The following NRXN1 variants were observed in gnomAD, a reference collection of about 807,000 sequenced individuals.
NRXN1 encodes neurexin 1.
Under a neutral mutation model 150.9 loss-of-function variants are expected in NRXN1, and 39 were observed. The observed-to-expected ratio is 0.26, with a 90% confidence interval of 0.20 to 0.34. The LOEUF (loss-of-function observed/expected upper bound fraction) is 0.34, where lower values mean the gene tolerates loss of function less well. NRXN1 is among the 10% of genes least tolerant of loss of function. The probability of loss-of-function intolerance (pLI) is 1.00; values close to 1 mark genes in which losing one functional copy is unlikely to be tolerated. For missense variants in NRXN1, 1,815 were observed against 1,949.9 expected (o/e 0.93, Z 1.30); for synonymous variants, 924 against 757.0 (o/e 1.22, Z -3.62).
At chr2:50,556,044 A>G (rs1314468676) in intron 8 of NRXN1, among the ~76,000 whole-genome samples, 2 of 152,204 alleles carry the variant, frequency 1.3e-5, no homozygotes, top group Non-Finnish European at 2.9e-5. Context: ...CTTGAGAAGA[A>G]GCACACTATG....
chr2:50,419,470 A>G (rs1198028971), intron 17 of NRXN1, among the ~76,000 whole-genome samples: 1 of 152,082 alleles, frequency 6.6e-6, no homozygotes, highest in African/African-American at 2.4e-5. Flanking sequence ...TGCAAATGCC[A>G]TTATCATCCA....
chr2:50,398,423 C>T (rs2082181627), intron 17 of NRXN1, among the ~76,000 whole-genome samples: 2 of 151,758 alleles, frequency 1.3e-5, no homozygotes, highest in Admixed American at 6.6e-5. Context: ...GAATCCTACT[C>T]AAATAATAAA....
At chr2:50,342,918 C>T (rs977861312) in intron 17 of NRXN1, among the ~76,000 whole-genome samples, 4 of 152,216 alleles carry the variant, frequency 2.6e-5, no homozygotes, top group African/African-American at 9.6e-5. Context: ...AGGAAAATCA[C>T]ATTCAAACTC....
At chr2:50,320,285 TATATATATA>T (rs1558518818) in intron 17 of NRXN1, among the ~76,000 whole-genome samples, 726 of 57,666 alleles carry the variant, frequency 0.013, 24 homozygotes, top group African/African-American at 0.016. Context: ...ACCTCAATCA[TATATATATA>T]TATATATATA....
chr2:50,063,352 C>G (rs1378804906), intron 19 of NRXN1, among the ~76,000 whole-genome samples: 1 of 152,036 alleles, frequency 6.6e-6, no homozygotes, highest in African/African-American at 2.4e-5. Flanking sequence ...ATGTAAAAGC[C>G]GAATACACAT....
chr2:50,346,499 ACCCGCG>A lies in NRXN1; in HGVS notation c.3365-109535_3365-109530del, dbSNP rs1471171891. Reference sequence around the variant, plus strand: ...GCCCCTCCCACCCCTCACCACCAACACCCGCGACGCCTTCCCCCATCCCCTTTCTAT... The same window carrying A: ...GCCCCTCCCACCCCTCACCACCAACAACGCCTTCCCCCATCCCCTTTCTAT... On this transcript the variant is annotated intron_variant, in intron 17 of 22. Coordinates refer to ENST00000401669, the MANE Select transcript of NRXN1 (RefSeq NM_001330078.2). The surrounding 1 kb of genome is among the most constrained non-coding windows in gnomAD (Gnocchi z 5.0). 6.7e-6 allele frequency among the ~76,000 whole-genome samples: 1 copy of A among 149,358 alleles called. No homozygotes were observed. Among genetic ancestry groups the A allele is most frequent in the Non-Finnish European group, 1.5e-5 (1 of 67,408 alleles).
At chr2:50,230,122 A>G (rs1000096064) in intron 18 of NRXN1, among the ~76,000 whole-genome samples, 4 of 152,002 alleles carry the variant, frequency 2.6e-5, no homozygotes, top group Admixed American at 6.6e-5. Context: ...GATTCCGGAG[A>G]CCTAACTTCT....
intron 5 of NRXN1, among the ~76,000 whole-genome samples, chr2:50,715,516 G>C (rs1363522395): frequency 6.6e-6 from 1 of 152,116 alleles, no homozygotes; most frequent in African/African-American, 2.4e-5. Context: ...TGGATATAGA[G>C]GGCTCATAAA....
intron 19 of NRXN1, among the ~76,000 whole-genome samples, chr2:50,079,655 A>C (rs1199257558): frequency 6.6e-6 from 1 of 152,108 alleles, no homozygotes; most frequent in African/African-American, 2.4e-5. Context: ...CTAGACATTT[A>C]TTATTTTGTT....
intron 8 of NRXN1, among the ~76,000 whole-genome samples, chr2:50,606,431 AG>A (rs1677131718): frequency 6.6e-6 from 1 of 151,794 alleles, no homozygotes; most frequent in Admixed American, 6.6e-5. Flanking sequence ...TGTGGTTGCC[AG>A]GGCCTGGGGC....
chr2:51,009,487 G>A (rs1000205341), intron 2 of NRXN1, among the ~76,000 whole-genome samples: 2 of 151,892 alleles, frequency 1.3e-5, no homozygotes, highest in South Asian at 2.1e-4. Context: ...GAGGCAAATT[G>A]CTCAGCTTAG....
chr2:50,557,769 C>T (rs1668470108), intron 8 of NRXN1, among the ~76,000 whole-genome samples: 1 of 152,124 alleles, frequency 6.6e-6, no homozygotes, highest in Admixed American at 6.5e-5. Context: ...GATGGAGCTA[C>T]ACAATTTAAT....
intron 8 of NRXN1, among the ~76,000 whole-genome samples, chr2:50,591,757 A>G (rs1674305795): frequency 6.6e-6 from 1 of 152,182 alleles, no homozygotes; most frequent in African/African-American, 2.4e-5. Context: ...CTCTTCCCTC[A>G]GTGGATGCTG....
rs1298570784 is a variant in NRXN1, at chr2:50,876,118, A to G, written c.832+45751T>C. 2.0e-5 allele frequency among the ~76,000 whole-genome samples: 3 copies of G among 151,928 alleles called. No individual in the cohort carries two copies. The East Asian group carries it at 5.9e-4, about 30-fold the overall frequency. On this transcript the variant is annotated intron_variant, in intron 5 of 22. Coordinates refer to ENST00000401669, the MANE Select transcript of NRXN1 (RefSeq NM_001330078.2). Reference sequence around the variant, plus strand: ...CCCCTCCTGGATTGTAACTATTAAGACGGGCAGGCATGATCCCAAGTAAAG... The same window carrying G: ...CCCCTCCTGGATTGTAACTATTAAGGCGGGCAGGCATGATCCCAAGTAAAG...
chr2:50,846,251 C>T (rs183684994), intron 5 of NRXN1, among the ~76,000 whole-genome samples: 11 of 152,246 alleles, frequency 7.2e-5, no homozygotes, highest in Admixed American at 2.0e-4. Context: ...CATGGTCTTA[C>T]TGAATTCTCA....
chr2:50,625,112 T>C (rs1680771829), intron 5 of NRXN1: 1 of 152,012 alleles, frequency 6.6e-6, no homozygotes, highest in Admixed American at 6.6e-5. Flanking sequence ...GGTTGATACA[T>C]CAGCAGGTGT....
intron 19 of NRXN1, among the ~76,000 whole-genome samples, chr2:50,069,483 T>C (rs900550197): frequency 4.6e-5 from 7 of 152,144 alleles, no homozygotes; most frequent in African/African-American, 1.4e-4. Context: ...AAAAATAAAA[T>C]ACCATAAATG....
chr2:50,810,842 T>C (rs1014321217), intron 5 of NRXN1, among the ~76,000 whole-genome samples: 1 of 151,996 alleles, frequency 6.6e-6, no homozygotes, highest in Admixed American at 6.6e-5. Flanking sequence ...GAGCCAGATG[T>C]GGTGGTGCAC....
rs373197561 is a variant in NRXN1 at position 50,312,233 on chromosome 2, C to G, written c.3365-75263G>C. Among the ~76,000 whole-genome samples the G allele has an allele frequency of 2.6e-5, 4 of 152,162 alleles. No homozygotes were observed. The South Asian group carries it at 8.3e-4, about 32-fold the overall frequency. On this transcript the variant is annotated intron_variant, in intron 17 of 22. Transcript: ENST00000401669. ...CCTATTTCTACCTCACAGGAGGAAC[C>G]TGGATATGCATAGATTCAGGATCTT...
Sources: allele counts gnomAD v4.1 joint callset (sites outside exome capture counted in the v4.1 genomes callset), GRCh38; gene constraint gnomAD v4.1.1; non-coding constraint Gnocchi (gnomAD v3.1); transcripts MANE v1.5; gene names NCBI Gene and HGNC (gene_info 2026-07-23, HGNC 2026-07-21).